The following TLCD3B variants were observed in gnomAD, a reference collection of about 807,000 sequenced individuals.
TLCD3B encodes ceramide synthase.
A neutral mutation model predicts 23.0 loss-of-function variants in TLCD3B; 9 were observed. That is an observed-to-expected ratio of 0.39 (90% CI 0.24 to 0.68). The LOEUF (loss-of-function observed/expected upper bound fraction) is 0.68, where lower values mean the gene tolerates loss of function less well. TLCD3B is among the 30% of genes least tolerant of loss of function. TLCD3B has a pLI of 0.44. For synonymous variants in TLCD3B, 161 were observed against 161.0 expected, an observed-to-expected ratio of 1.00 and a Z score of 0.00; for missense variants, 307 against 371.8, an observed-to-expected ratio of 0.83 and a Z score of 1.43.
intron 3 of TLCD3B, among the ~76,000 whole-genome samples, chr16:30,040,763 C>G (rs546168814): frequency 6.6e-6 from 1 of 152,204 alleles, no homozygotes; most frequent in African/African-American, 2.4e-5. Flanking sequence ...TCAAGTGATC[C>G]TTCCACCTCA....
At chr16:30,039,101 C>CT (rs10623783) in intron 3 of TLCD3B, among the ~76,000 whole-genome samples, 46 of 120,882 alleles carry the variant, frequency 3.8e-4, no homozygotes, top group African/African-American at 1.5e-3. Flanking sequence ...CCTCCTTCCT[C>CT]TCTTTTTTTT....
chr16:30,045,266 T>A (rs2071645460), intron 2 of TLCD3B, among the ~76,000 whole-genome samples: 1 of 145,960 alleles, frequency 6.9e-6, no homozygotes, highest in South Asian at 2.2e-4. Context: ...GGTGTGTGTG[T>A]GATGTGTGTG....
intron 3 of TLCD3B, among the ~76,000 whole-genome samples, chr16:30,040,147 A>AAAAAAAATAT: frequency 1.2e-3 from 114 of 95,880 alleles, no homozygotes; most frequent in Non-Finnish European, 1.6e-3. Flanking sequence ...AAAAAAAAAA[A>AAAAAAAATAT]ATATATATAT....
chr16:30,041,678 C>T (rs961116883), intron 2 of TLCD3B, among the ~76,000 whole-genome samples: 17 of 149,326 alleles, frequency 1.1e-4, no homozygotes, highest in African/African-American at 3.5e-4. Context: ...GCCGAGATCA[C>T]GCCACTGCAC....
chr16:30,048,624 C>CT (rs111248569), intron 1 of TLCD3B, among the ~76,000 whole-genome samples: 17 of 147,356 alleles, frequency 1.2e-4, no homozygotes, highest in Non-Finnish European at 1.5e-4. Context: ...GTTCTAAAGG[C>CT]TTTTTTTTTT....
At position 30,027,179 on chromosome 16, in the gene TLCD3B, A is replaced by C. The variant is rs749507346; in HGVS notation, c.210-336T>G. ...AATAAGCCCAGGACAGGCAGGTGGG[A>C]CCTTGCCATGGTTATTTGTCCTAAC... On this transcript the variant is annotated intron_variant, in intron 2 of 4. Transcript: ENST00000380495. 3.5e-5 allele frequency: 17 copies of C among 478,916 alleles called. 1 individual carries two copies. Among genetic ancestry groups the C allele is most frequent in the South Asian group, 2.5e-4 (16 of 64,794 alleles). 29.7% of individuals were successfully genotyped at this position (478,916 alleles called of 1,614,324 possible).
rs749432950 is a variant in TLCD3B, at chr16:30,025,206, G to GGGGCGGCC, written c.794_801dup (p.Pro268GlyfsTer96). 3.5e-5 allele frequency: 52 copies of GGGGCGGCC among 1,490,616 alleles called. 1 individual carries two copies. Among genetic ancestry groups the GGGGCGGCC allele is most frequent in the Middle Eastern group, 2.3e-4 (1 of 4,308 alleles). The allele number at this position is 1,490,616 out of a possible 1,614,324, so 92.3% of individuals were successfully genotyped here. The stretch of plus-strand genomic sequence containing the variant: ...CCTCAGTCCTGGGCCTGGCAGGCCG[G>GGGGCGGCC]GGGCGGCCGGGAGCGGGGCCAGAAG... On this transcript the variant is annotated frameshift_variant, in exon 5 of 5. Coordinates refer to ENST00000380495, the MANE Select transcript of TLCD3B (RefSeq NM_031478.6). LOFTEE classifies it high-confidence loss of function. The surrounding 1 kb of genome is among the most constrained non-coding windows in gnomAD (Gnocchi z 4.1).
chr16:30,034,753 C>T (rs2071434132), upstream of TLCD3B, among the ~76,000 whole-genome samples: 2 of 152,142 alleles, frequency 1.3e-5, no homozygotes, highest in Non-Finnish European at 2.9e-5. Context: ...TTTTCAACCC[C>T]TGCTCTACAG....
At position 30,043,351 on chromosome 16, in the gene TLCD3B, G is replaced by C. The variant is rs936421854; in HGVS notation, c.-228-2195C>G. ...GGATCCTCCTGCCTCAGCCTCCCAA[G>C]TGGCTGGGACTACAGGCTCTCAGGC... On this transcript the variant is annotated intron_variant, in intron 2 of 6. Transcript: ENST00000561666. Among the ~76,000 whole-genome samples the C allele has an allele frequency of 3.3e-5, 5 of 151,926 alleles. No individual in the cohort carries two copies. The East Asian group carries it at 9.7e-4, about 29-fold the overall frequency.
chr16:30,033,753 A>C (rs1223321979), upstream of TLCD3B: 1 of 152,068 alleles, frequency 6.6e-6, no homozygotes, highest in Non-Finnish European at 1.5e-5. Flanking sequence ...TGAGATCAGG[A>C]GTTTGAGACC....
chr16:30,049,015 C>T (rs1433651240), intron 1 of TLCD3B, among the ~76,000 whole-genome samples: 1 of 152,176 alleles, frequency 6.6e-6, no homozygotes, highest in Non-Finnish European at 1.5e-5. Flanking sequence ...AGGTGGTCCG[C>T]CTGCCTTGGC....
intron 2 of TLCD3B, among the ~76,000 whole-genome samples, chr16:30,045,481 ATG>A (rs1350173312): frequency 4.1e-5 from 3 of 74,054 alleles, no homozygotes; most frequent in Non-Finnish European, 2.6e-5. Context: ...TGTGTGTGGT[ATG>A]TGTGTTTGTG....
At chr16:30,040,147 A>AAAATATATATATATATATATATAT in intron 3 of TLCD3B, among the ~76,000 whole-genome samples, 1 of 95,896 alleles carries the variant, frequency 1.0e-5, no homozygotes, top group African/African-American at 4.3e-5. Flanking sequence ...AAAAAAAAAA[A>AAAATATATATATATATATATATAT]ATATATATAT....
In TLCD3B at chr16:30,030,615, C is replaced by A. The variant is rs2071328352; in HGVS notation, c.-88G>T. The A allele has an allele frequency of 1.4e-6, 2 of 1,428,358 alleles. No individual in the cohort carries two copies. Among genetic ancestry groups the A allele is most frequent in the Admixed American group, 3.2e-5 (1 of 30,998 alleles). 88.5% of individuals were successfully genotyped at this position (1,428,358 alleles called of 1,614,324 possible). On this transcript the variant is annotated 5_prime_UTR_variant, in exon 1 of 5. Transcript: ENST00000380495. ...AGGAGTTAGGGGTGGAGAAGGGACG[C>A]CAAGCCCGGGAAGGAGGGAGAAAAC...
At chr16:30,051,661 C>T (rs2071756483) in intron 1 of TLCD3B, among the ~76,000 whole-genome samples, 1 of 152,166 alleles carries the variant, frequency 6.6e-6, no homozygotes, top group Non-Finnish European at 1.5e-5. Flanking sequence ...AGGCCCCAGA[C>T]ACTTGCAGTC....
At chr16:30,042,987 C>G (rs960029257) in intron 2 of TLCD3B, among the ~76,000 whole-genome samples, 1 of 152,012 alleles carries the variant, frequency 6.6e-6, no homozygotes, top group Non-Finnish European at 1.5e-5. Context: ...GTAATCCCAG[C>G]TACTCAGGAA....
At chr16:30,028,554 C>T (rs975783629) in intron 2 of TLCD3B, among the ~76,000 whole-genome samples, 2 of 152,184 alleles carry the variant, frequency 1.3e-5, no homozygotes, top group Non-Finnish European at 2.9e-5. Flanking sequence ...CAAGAACTGT[C>T]CTCTGCAGCT....
chr16:30,049,151 G>A (rs976083348), intron 1 of TLCD3B, among the ~76,000 whole-genome samples: 3 of 152,078 alleles, frequency 2.0e-5, no homozygotes, highest in Admixed American at 1.3e-4. Context: ...TCTGCCACTC[G>A]TGCCTCCTGT....
At chr16:30,044,865 C>T (rs959052463) in intron 2 of TLCD3B, among the ~76,000 whole-genome samples, 2 of 151,600 alleles carry the variant, frequency 1.3e-5, no homozygotes, top group African/African-American at 2.4e-5. Flanking sequence ...CGGGGGGGTG[C>T]GGATTAACTA....
Sources: gnomAD v4.1 joint callset for allele counts (sites outside exome capture counted in the v4.1 genomes callset) on GRCh38, gnomAD v4.1.1 for gene constraint, Gnocchi (gnomAD v3.1) non-coding constraint, MANE v1.5 for transcripts, NCBI Gene and HGNC (gene_info 2026-07-23, HGNC 2026-07-21) for gene names.